Variants in ATP11B observed in about 807,000 individuals in gnomAD.
The protein encoded by ATP11B is phospholipid-transporting ATPase IF.
A neutral mutation model predicts 157.8 loss-of-function variants in ATP11B; 81 were observed. The ratio of observed to expected loss-of-function variants is 0.51; its 90% CI spans 0.43 to 0.62. ATP11B has a LOEUF of 0.62. Among genes scored for constraint, ATP11B ranks in the 20% least tolerant of loss-of-function variants. The pLI is 0.00. For missense variants in ATP11B, 1,165 were observed against 1,402.2 expected, an observed-to-expected ratio of 0.83 and a Z score of 2.70; for synonymous variants, 451 against 469.4, an observed-to-expected ratio of 0.96 and a Z score of 0.51.
At chr3:182,840,666 G>A (rs368179718) in intron 7 of ATP11B, among the ~76,000 whole-genome samples, 19 of 152,080 alleles carry the variant, frequency 1.2e-4, no homozygotes, top group East Asian at 3.8e-4. Flanking sequence ...GGAATCAGCC[G>A]TGACTCCTCA....
At chr3:182,848,949 T>C (rs1282495030) in intron 10 of ATP11B, among the ~76,000 whole-genome samples, 1 of 151,984 alleles carries the variant, frequency 6.6e-6, no homozygotes, top group Non-Finnish European at 1.5e-5. Context: ...AATTTAAGAG[T>C]ATAGCTTTTT....
chr3:182,905,720 T>A, intron 28 of ATP11B: 1 of 451,884 alleles, frequency 2.2e-6, no homozygotes, highest in South Asian at 1.6e-5. Flanking sequence ...AACTTGTTGC[T>A]TTGATCTTAA....
At chr3:182,811,312 T>C (rs2108491089) in intron 1 of ATP11B, among the ~76,000 whole-genome samples, 1 of 152,334 alleles carries the variant, frequency 6.6e-6, no homozygotes, top group East Asian at 1.9e-4. Flanking sequence ...TTTGTTTATG[T>C]TCAAATAGAA....
At chr3:182,831,204 T>A (rs1422538819) in intron 4 of ATP11B, among the ~76,000 whole-genome samples, 1 of 152,100 alleles carries the variant, frequency 6.6e-6, no homozygotes, top group Non-Finnish European at 1.5e-5. Flanking sequence ...ATACTACTAG[T>A]TCTTGTTATT....
At chr3:182,875,955 AT>A in intron 19 of ATP11B, among the ~76,000 whole-genome samples, 1 of 152,176 alleles carries the variant, frequency 6.6e-6, no homozygotes, top group South Asian at 2.1e-4. Context: ...CTTTTTAAAT[AT>A]TTTTTTCTGG....
At chr3:182,884,326 A>T (rs1034221008) in intron 21 of ATP11B, among the ~76,000 whole-genome samples, 1 of 152,130 alleles carries the variant, frequency 6.6e-6, no homozygotes, top group African/African-American at 2.4e-5. Flanking sequence ...AAGCAAACAA[A>T]TGACTCATTT....
intron 21 of ATP11B, among the ~76,000 whole-genome samples, chr3:182,882,945 C>CT (rs1225899258): frequency 1.3e-5 from 2 of 152,264 alleles, no homozygotes; most frequent in East Asian, 1.9e-4. Context: ...TTTAGTCTCT[C>CT]TAACATTCCA....
At chr3:182,830,102 G>C in intron 4 of ATP11B, 1 of 328,892 alleles carries the variant, frequency 3.0e-6, no homozygotes, top group Non-Finnish European at 4.4e-6. Context: ...CAATTCAAAA[G>C]AGATATGTTT....
chr3:182,879,907 A>G (rs577415658), intron 20 of ATP11B, among the ~76,000 whole-genome samples: 15 of 152,262 alleles, frequency 9.9e-5, no homozygotes, highest in Non-Finnish European at 2.2e-4. Context: ...TTAAACTGTG[A>G]TAACTAATGT....
chr3:182,856,654 A>G (rs906161770), intron 10 of ATP11B, among the ~76,000 whole-genome samples: 2 of 152,206 alleles, frequency 1.3e-5, no homozygotes, highest in Non-Finnish European at 2.9e-5. Context: ...GCTGAATACT[A>G]TGCCTAATAC....
chr3:182,842,086 G>T lies in ATP11B; in HGVS notation c.668G>T (p.Arg223Leu). ...PEADLYRFMG[R>L]MIITQQMEEI... ...GAATTTTTTGATAGATTCATGGGAC[G>T]AATGATCATAACCCAACAAATGGAA... Residue 223 changes from arginine to leucine, a missense_variant, in exon 8 of 30, where the codon CGA (arginine) becomes CTA (leucine). Around this residue, in one of 4 missense-constraint regions of ATP11B, gnomAD observed 737 missense variants for 930.5 expected, o/e 0.79. Transcript: ENST00000323116. 6.2e-7 allele frequency: 1 copy of T among 1,603,622 alleles called. No homozygotes were observed. Among genetic ancestry groups the T allele is most frequent in the Non-Finnish European group, 8.5e-7 (1 of 1,171,858 alleles).
intron 7 of ATP11B, 124 bp downstream of exon 7, chr3:182,837,298 G>T: frequency 1.6e-6 from 1 of 640,632 alleles, no homozygotes. Flanking sequence ...TGGGTTGGTG[G>T]GAGATGCAAT....
At chr3:182,904,184 G>A (rs920541244) in intron 28 of ATP11B, among the ~76,000 whole-genome samples, 1 of 152,144 alleles carries the variant, frequency 6.6e-6, no homozygotes, top group African/African-American at 2.4e-5. Context: ...CTCCCAGTGG[G>A]TCCTAACCAA....
chr3:182,917,441 A>C (rs1294935105), intron 29 of ATP11B: 1 of 985,380 alleles, frequency 1.0e-6, no homozygotes, highest in Non-Finnish European at 1.2e-6. Flanking sequence ...AACACCAGTT[A>C]ACTTTTCCAG....
intron 29 of ATP11B, chr3:182,917,710 A>C: frequency 1.0e-6 from 1 of 985,276 alleles, no homozygotes; most frequent in Non-Finnish European, 1.2e-6. Context: ...TCTTAATAAC[A>C]TACTTCTTAT....
At chr3:182,845,010 T>TAA (rs1168827192) in intron 8 of ATP11B, among the ~76,000 whole-genome samples, 1 of 68,252 alleles carries the variant, frequency 1.5e-5, no homozygotes, top group African/African-American at 4.1e-5. Flanking sequence ...TTTTTTATTT[T>TAA]TTTTTATTTT....
chr3:182,815,166 G>T (rs544507534), intron 1 of ATP11B, among the ~76,000 whole-genome samples: 4 of 152,124 alleles, frequency 2.6e-5, no homozygotes, highest in Admixed American at 2.6e-4. Context: ...ACTAAGCCAG[G>T]GTTCTTGGAA....
At chr3:182,880,529 G>GA (rs1278221067) in intron 20 of ATP11B, among the ~76,000 whole-genome samples, 3 of 151,778 alleles carry the variant, frequency 2.0e-5, no homozygotes, top group Admixed American at 2.0e-4. Context: ...CATATCAAAT[G>GA]AAAAAATAAT....
chr3:182,826,016 A>G (rs1368107176), intron 2 of ATP11B, among the ~76,000 whole-genome samples: 1 of 152,244 alleles, frequency 6.6e-6, no homozygotes, highest in Non-Finnish European at 1.5e-5. Flanking sequence ...GAGAAGTTAC[A>G]CTTCTAATTC....
Sources: gnomAD v4.1 joint callset for allele counts (sites outside exome capture counted in the v4.1 genomes callset) on GRCh38, gnomAD v4.1.1 for gene constraint, gnomAD v4.1.1 regional missense constraint, MANE v1.5 for transcripts, NCBI Gene and HGNC (gene_info 2026-07-23, HGNC 2026-07-21) for gene names.